The following GPR137B variants were observed in gnomAD, a reference collection of about 807,000 sequenced individuals.
GPR137B encodes integral membrane protein GPR137B.
Under a neutral mutation model 42.5 loss-of-function variants are expected in GPR137B, and 42 were observed. The observed-to-expected ratio is 0.99, with a 90% CI of 0.77 to 1.28. The LOEUF is 1.28. GPR137B is among the 50% of genes most tolerant of loss of function. The probability of loss-of-function intolerance (pLI) is 0.00; values close to 1 mark genes in which losing one functional copy is unlikely to be tolerated. For missense variants in GPR137B, 487 were observed against 493.9 expected (o/e 0.99, Z 0.13); for synonymous variants, 218 against 209.7 (o/e 1.04, Z -0.34).
rs1571988500 is a variant in GPR137B, at chr1:236,178,606, G to A, written c.657G>A (p.Met219Ile). Residue 219 changes from methionine to isoleucine, a missense_variant, in exon 3 of 7, where the codon ATG becomes ATA. Physicochemically the swap from Met to Ile is conservative, Grantham distance 10 (BLOSUM62 1). Coordinates refer to ENST00000366592, the MANE Select transcript of GPR137B (RefSeq NM_003272.4). ...LSICLYKISK[M>I]SLANIYLESK... ...TCTGTCTCTACAAAATCTCTAAGAT[G>A]TCCTTAGCCAACATTTACTTGGAGT... 1 of 1,610,890 alleles carries A rather than the reference G, an allele frequency of 6.2e-7. No individual in the cohort carries two copies. The highest frequency in any genetic ancestry group is 8.5e-7 in the Non-Finnish European group (1 of 1,178,528).
chr1:236,203,397 C>T (rs1405981991), intron 5 of GPR137B, among the ~76,000 whole-genome samples: 3 of 152,130 alleles, frequency 2.0e-5, no homozygotes, highest in Non-Finnish European at 4.4e-5. Context: ...GTTCCTATAC[C>T]AGTACCATGC....
chr1:236,182,483 G>A (rs1662912838), intron 4 of GPR137B, among the ~76,000 whole-genome samples: 1 of 152,106 alleles, frequency 6.6e-6, no homozygotes, highest in South Asian at 2.1e-4. Flanking sequence ...GGTGGGTGCA[G>A]TGGCCTGTAA....
At chr1:236,165,840 G>C (rs185324310) in intron 1 of GPR137B, among the ~76,000 whole-genome samples, 5 of 152,198 alleles carry the variant, frequency 3.3e-5, no homozygotes, top group Middle Eastern at 3.4e-3. Flanking sequence ...ATTTATTTTC[G>C]GTAATATTTC....
chr1:236,196,298 C>G (rs1158649524), intron 5 of GPR137B, among the ~76,000 whole-genome samples: 2 of 152,058 alleles, frequency 1.3e-5, no homozygotes, highest in Non-Finnish European at 2.9e-5. Flanking sequence ...AGCTACCACA[C>G]CCAGCTAATT....
Position 236,205,070 on chromosome 1 carries a change from GT to G in GPR137B, c.967-55del. On this transcript the variant is annotated intron_variant, in intron 5 of 6. Coordinates refer to ENST00000366592, the MANE Select transcript of GPR137B (RefSeq NM_003272.4). ...CCTACAAGAAAGAGATCTTATTTTT[GT>G]CTGGTGCAAGGCATGATGTCTGTAA... 3.4e-6 allele frequency: 5 copies of G among 1,474,184 alleles called. No homozygotes were observed. The South Asian group carries it at 6.0e-5, about 18-fold the overall frequency. 91.3% of individuals were successfully genotyped at this position (1,474,184 alleles called of 1,614,324 possible). A position where few individuals can be genotyped will look rare whatever the true frequency, so the allele number is the denominator to read the frequency against.
Position 236,208,193 on chromosome 1 carries a change from TGAAAAGCTTCA to T in GPR137B, c.*43_*53del. 1 of 1,605,982 alleles carries T rather than the reference TGAAAAGCTTCA, an allele frequency of 6.2e-7. No homozygotes were observed. Among genetic ancestry groups the T allele is most frequent in the Non-Finnish European group, 8.5e-7 (1 of 1,175,730 alleles). On this transcript the variant is annotated 3_prime_UTR_variant, in exon 7 of 7. Transcript: ENST00000366592. ...ACAGTTTTATGGACGATTCCTCAGATGAAAAGCTTCAGAAAAGCATAGTGACAGCTGAATTT... is the reference window on the plus strand; with the variant it reads ...ACAGTTTTATGGACGATTCCTCAGATGAAAAGCATAGTGACAGCTGAATTT...
At chr1:236,143,180 T>C (rs1661580478) in intron 1 of GPR137B, 144 bp downstream of exon 1, 2 of 675,534 alleles carry the variant, frequency 3.0e-6, no homozygotes, top group South Asian at 3.7e-5. Flanking sequence ...TCTGGGGTCG[T>C]CCGAACCCTG....
chr1:236,168,531 T>A (rs1209136886), intron 1 of GPR137B, among the ~76,000 whole-genome samples, 175 bp from the exon 2 acceptor site: 1 of 152,152 alleles, frequency 6.6e-6, no homozygotes. Flanking sequence ...CCTTTACTAT[T>A]AAAACTGTAT....
chr1:236,206,101 T>C (rs1041775729), intron 6 of GPR137B, among the ~76,000 whole-genome samples: 4 of 152,220 alleles, frequency 2.6e-5, no homozygotes, highest in Admixed American at 1.3e-4. Context: ...AGGGTATTTA[T>C]TTGGTCTCAA....
intron 1 of GPR137B, among the ~76,000 whole-genome samples, chr1:236,165,282 A>G (rs1469992860): frequency 6.6e-6 from 1 of 152,178 alleles, no homozygotes; most frequent in Admixed American, 6.5e-5. Flanking sequence ...TTTTATTTTG[A>G]TGTTTGCACC....
chr1:236,185,068 A>C (rs1662985935), intron 5 of GPR137B, among the ~76,000 whole-genome samples: 1 of 152,130 alleles, frequency 6.6e-6, no homozygotes. Flanking sequence ...CACCCGTCTG[A>C]GTTCATGGTT....
intron 1 of GPR137B, among the ~76,000 whole-genome samples, chr1:236,145,634 G>C (rs1203664663): frequency 6.6e-6 from 1 of 152,136 alleles, no homozygotes; most frequent in East Asian, 1.9e-4. Context: ...TGGGATTACA[G>C]GTGTGAGCCA....
intron 5 of GPR137B, among the ~76,000 whole-genome samples, chr1:236,198,582 T>C (rs1219927194): frequency 6.6e-6 from 1 of 152,242 alleles, no homozygotes. Flanking sequence ...ATAATATTGA[T>C]TCTACCCATC....
At chr1:236,157,118 G>A (rs538762131) in intron 1 of GPR137B, among the ~76,000 whole-genome samples, 18 of 152,220 alleles carry the variant, frequency 1.2e-4, no homozygotes, top group African/African-American at 3.9e-4. Context: ...CATTTTACAG[G>A]TGAGGTACTT....
At chr1:236,207,207 G>C (rs1663689228) in intron 6 of GPR137B, 2 of 985,078 alleles carry the variant, frequency 2.0e-6, no homozygotes, top group African/African-American at 1.7e-5. Context: ...ATCCTGGTCA[G>C]ATAGGATAAA....
chr1:236,181,908 T>TTTTTTTTTTTTTTTA (rs1662889603), intron 4 of GPR137B, among the ~76,000 whole-genome samples: 1 of 149,634 alleles, frequency 6.7e-6, no homozygotes. Flanking sequence ...TTTTTTTTTT[T>TTTTTTTTTTTTTTTA]TTTGAGACGG....
At chr1:236,182,300 A>T (rs1297068647) in intron 4 of GPR137B, among the ~76,000 whole-genome samples, 1 of 152,138 alleles carries the variant, frequency 6.6e-6, no homozygotes, top group Non-Finnish European at 1.5e-5. Flanking sequence ...CCTAAACTGA[A>T]ACTCTGTATC....
intron 5 of GPR137B, 24 bp from the exon 6 acceptor site, chr1:236,205,102 C>T: frequency 1.2e-6 from 2 of 1,601,760 alleles, no homozygotes; most frequent in Non-Finnish European, 1.7e-6. Context: ...TGTAAGTATG[C>T]TGAATGATTA....
At chr1:236,182,742 C>CA (rs1662919323) in intron 4 of GPR137B, among the ~76,000 whole-genome samples, 1 of 151,460 alleles carries the variant, frequency 6.6e-6, no homozygotes, top group South Asian at 2.1e-4. Flanking sequence ...CTCAAACAAA[C>CA]AAACAAAAAA....
Sources: gnomAD v4.1 joint callset for allele counts (sites outside exome capture counted in the v4.1 genomes callset) on GRCh38, gnomAD v4.1.1 for gene constraint, MANE v1.5 for transcripts, NCBI Gene and HGNC (gene_info 2026-07-23, HGNC 2026-07-21) for gene names.